Variants in FKBP8 observed in about 807,000 individuals in gnomAD.
FKBP8 encodes the protein peptidyl-prolyl cis-trans isomerase FKBP8.
A neutral mutation model predicts 41.7 loss-of-function variants in FKBP8; 5 were observed. The observed-to-expected ratio is 0.12, with a 90% confidence interval of 0.06 to 0.25. The LOEUF (loss-of-function observed/expected upper bound fraction) is 0.25. Among genes scored for constraint, FKBP8 ranks in the 10% least tolerant of loss-of-function variants. FKBP8 has a pLI of 1.00. For missense variants in FKBP8, 397 were observed against 563.0 expected, an observed-to-expected ratio of 0.71 and a Z score of 2.98; for synonymous variants, 279 against 254.5, an observed-to-expected ratio of 1.10 and a Z score of -0.92.
intron 1 of FKBP8, 199 bp from the exon 2 acceptor site, chr19:18,542,194 C>A: frequency 1.5e-6 from 1 of 662,712 alleles, no homozygotes; most frequent in Non-Finnish European, 2.4e-6. Context: ...CCCTTGGCAT[C>A]AGGCTCAAAT....
rs1249967430 is a variant in FKBP8 at position 18,538,369 on chromosome 19, C to T, written c.619G>A (p.Gly207Arg). The T allele has an allele frequency of 1.2e-6, 2 of 1,613,628 alleles. No homozygotes were observed. The highest frequency in any genetic ancestry group is 1.7e-6 in the Non-Finnish European group (2 of 1,179,988). The change falls in exon 5 of 9, where the codon GGG becomes AGG. Residue 207 changes from glycine to arginine, a missense_variant. This residue lies in a region of FKBP8 where 225 missense variants were observed against 366.8 expected (regional missense o/e 0.61). Transcript: ENST00000608443. The surrounding 1 kb of genome is among the most constrained non-coding windows in gnomAD (Gnocchi z 4.0). ...LEVTLKTAVD[G>R]PDLEMLTGQE... ...CCCGTGAGCATCTCCAGGTCAGGCC[C>T]GTCCACAGCCGTCTTCAGGGTCACC...
chr19:18,539,350 C>G, intron 4 of FKBP8, 21 bp downstream of exon 4: 1 of 1,605,380 alleles, frequency 6.2e-7, no homozygotes, highest in Non-Finnish European at 8.5e-7. Flanking sequence ...CTGCAGAGAC[C>G]TAAGGGTGGC....
Position 18,532,206 on chromosome 19 carries a change from C to T in FKBP8, c.1205G>A (p.Gly402Asp), listed in dbSNP as rs1412336554. The T allele has an allele frequency of 6.2e-7, 1 of 1,609,498 alleles. No individual in the cohort carries two copies. The highest frequency in any genetic ancestry group is 1.3e-5 in the African/African-American group (1 of 74,936). ...LFGATAVALGGVALSVVIAAR... is the reference protein window; with the variant it reads ...LFGATAVALGDVALSVVIAAR... ...AGCGATGACCACAGAGAGTGCCACACCCCCCAAGGCAACAGCAGTCGCCCC... is the reference window on the plus strand; with the variant it reads ...AGCGATGACCACAGAGAGTGCCACATCCCCCAAGGCAACAGCAGTCGCCCC... Residue 402 changes from glycine (G) to aspartate (D), a missense_variant, in exon 9 of 9, where the codon GGT becomes GAT. Transcript: ENST00000608443.
Position 18,532,272 on chromosome 19 carries a change from G to T in FKBP8, c.1156-17C>A. Reference sequence around the variant, plus strand: ...TGGGATGGACTGTGGATAAAAAGGAGGGGAGAGAAGGGTGGAGGGAGGTCA... The same window carrying T: ...TGGGATGGACTGTGGATAAAAAGGATGGGAGAGAAGGGTGGAGGGAGGTCA... On this transcript the variant is annotated splice_polypyrimidine_tract_variant and intron_variant, in intron 8 of 8. Coordinates refer to ENST00000608443, the MANE Select transcript of FKBP8 (RefSeq NM_012181.5). The T allele has an allele frequency of 6.3e-7, 1 of 1,587,806 alleles. No homozygotes were observed. The highest frequency in any genetic ancestry group is 1.1e-5 in the South Asian group (1 of 87,038).
Position 18,537,788 on chromosome 19 carries a change from T to G in FKBP8, c.773-15A>C. 6.3e-7 allele frequency: 1 copy of G among 1,593,062 alleles called. No homozygotes were observed. The highest frequency in any genetic ancestry group is 8.6e-7 in the Non-Finnish European group (1 of 1,165,554). On this transcript the variant is annotated splice_polypyrimidine_tract_variant and intron_variant, in intron 5 of 8. Coordinates refer to ENST00000608443, the MANE Select transcript of FKBP8 (RefSeq NM_012181.5). The surrounding 1 kb of genome is among the most constrained non-coding windows in gnomAD (Gnocchi z 4.4). ...CGTCATGTCCACTATTGGGAGACAG[T>G]GCCCGCCACGGCAGCCGTCACCATG...
Position 18,537,663 on chromosome 19 carries a change from A to T in FKBP8, c.883T>A (p.Ser295Thr). 6.2e-7 allele frequency: 1 copy of T among 1,613,178 alleles called. No homozygotes were observed. The highest frequency in any genetic ancestry group is 8.5e-7 in the Non-Finnish European group (1 of 1,179,540). Residue 295 changes from serine (S) to threonine (T), a missense_variant, in exon 6 of 9, where the codon TCC becomes ACC. By Grantham distance (58) the Ser-to-Thr change is moderately conservative. Around this residue, in one of 2 missense-constraint regions of FKBP8, gnomAD observed 225 missense variants for 366.8 expected, o/e 0.61. Transcript: ENST00000608443. The surrounding 1 kb of genome is among the most constrained non-coding windows in gnomAD (Gnocchi z 4.4). Reference protein sequence around the residue: ...KLDHYRAALRSCSLVLEHQPD... With the variant: ...KLDHYRAALRTCSLVLEHQPD... ...TGGTGCTCCAGCACAAGGCTGCAGGAGCGCAGGGCTGCGCGGTAGTGGTCG... is the reference window on the plus strand; with the variant it reads ...TGGTGCTCCAGCACAAGGCTGCAGGTGCGCAGGGCTGCGCGGTAGTGGTCG...
intron 6 of FKBP8, 47 bp from the exon 7 acceptor site, chr19:18,533,394 T>G (rs1162723360): frequency 1.3e-6 from 2 of 1,498,162 alleles, no homozygotes; most frequent in Non-Finnish European, 9.1e-7. Context: ...TACCTGGGCC[T>G]GTCCTTCAAG....
intron 2 of FKBP8, 83 bp from the exon 3 acceptor site, chr19:18,539,803 A>G: frequency 6.7e-7 from 1 of 1,499,804 alleles, no homozygotes; most frequent in South Asian, 1.2e-5. Context: ...TCCTACCCTC[A>G]GCTCTGCCCA....
Position 18,537,982 on chromosome 19 carries a change from G to T in FKBP8, c.773-209C>A. ...CCTAGCCTGTGGTACATGTGAACTGGCCCTGTCTATGGTCACCCCATCCCC... is the reference window on the plus strand; with the variant it reads ...CCTAGCCTGTGGTACATGTGAACTGTCCCTGTCTATGGTCACCCCATCCCC... On this transcript the variant is annotated intron_variant, in intron 5 of 8. Coordinates refer to ENST00000608443, the MANE Select transcript of FKBP8 (RefSeq NM_012181.5). This position sits in a 1 kb window ranked among gnomAD's most constrained non-coding sequence, Gnocchi z 4.4. 3.0e-6 allele frequency: 2 copies of T among 669,942 alleles called. No homozygotes were observed. Among genetic ancestry groups the T allele is most frequent in the East Asian group, 2.8e-5 (1 of 36,340 alleles). The allele number at this position is 669,942 out of a possible 1,614,324, so 41.5% of individuals were successfully genotyped here.
chr19:18,532,621 G>C (rs142198861), intron 8 of FKBP8, 43 bp downstream of exon 8: 5 of 1,604,638 alleles, frequency 3.1e-6, no homozygotes, highest in South Asian at 1.1e-5. Flanking sequence ...TCTGCTAGGC[G>C]TGCCCTGCAC....
Position 18,542,078 on chromosome 19 carries a change from A to G in FKBP8, c.-25-83T>C, listed in dbSNP as rs1171485748. The G allele has an allele frequency of 1.7e-5, 26 of 1,490,778 alleles. 1 individual carries two copies. In the Admixed American group the frequency reaches 5.4e-4, roughly 31 times the overall value. The allele number at this position is 1,490,778 out of a possible 1,614,324, so 92.3% of individuals were successfully genotyped here. A position where few individuals can be genotyped will look rare whatever the true frequency, so the allele number is the denominator to read the frequency against. ...ACTGTACTGATTCCCCACACTGCCG[A>G]TCACTTTCTGTGTAACTCAAGGGCT... On this transcript the variant is annotated intron_variant, in intron 1 of 8. Coordinates refer to ENST00000608443, the MANE Select transcript of FKBP8 (RefSeq NM_012181.5).
intron 8 of FKBP8, 108 bp from the exon 9 acceptor site, chr19:18,532,363 G>A: frequency 8.8e-7 from 1 of 1,137,518 alleles, no homozygotes; most frequent in Non-Finnish European, 1.3e-6. Flanking sequence ...ATCATTGCCT[G>A]ACTATGTATT....
chr19:18,536,309 T>C (rs1414033444), intron 6 of FKBP8: 1 of 152,236 alleles, frequency 6.6e-6, no homozygotes, highest in East Asian at 1.9e-4. Flanking sequence ...GAAGGTCAAG[T>C]CTGTGCAAGC....
intron 8 of FKBP8, 44 bp downstream of exon 8, chr19:18,532,620 C>T (rs773613120): frequency 2.7e-5 from 43 of 1,603,640 alleles, no homozygotes; most frequent in Non-Finnish European, 3.3e-5. Context: ...CTCTGCTAGG[C>T]GTGCCCTGCA....
At chr19:18,540,645 G>A (rs1976676845) in intron 2 of FKBP8, among the ~76,000 whole-genome samples, 1 of 152,114 alleles carries the variant, frequency 6.6e-6, no homozygotes, top group Non-Finnish European at 1.5e-5. Flanking sequence ...GCCAAGGCAG[G>A]TGGATCACCT....
At chr19:18,534,306 C>G (rs1239429324) in intron 6 of FKBP8, among the ~76,000 whole-genome samples, 1 of 152,024 alleles carries the variant, frequency 6.6e-6, no homozygotes, top group Non-Finnish European at 1.5e-5. Flanking sequence ...GACTCCGTCT[C>G]AAAAACAAAC....
At chr19:18,532,571 C>T (rs1976473070) in intron 8 of FKBP8, 93 bp downstream of exon 8, 2 of 1,540,898 alleles carry the variant, frequency 1.3e-6, no homozygotes, top group Non-Finnish European at 1.8e-6. Context: ...CCAGGACGGC[C>T]CAGTCTCCGA....
chr19:18,539,301 C>T (rs150345520), intron 4 of FKBP8, 70 bp downstream of exon 4: 13 of 1,362,030 alleles, frequency 9.5e-6, no homozygotes, highest in Admixed American at 2.0e-5. Context: ...TGGGGTGAGC[C>T]GAGGGGTACA....
Position 18,531,978 on chromosome 19 carries a change from T to C in FKBP8, c.*191A>G. 1.7e-6 allele frequency: 1 copy of C among 598,206 alleles called. No homozygotes were observed. Among genetic ancestry groups the C allele is most frequent in the Non-Finnish European group, 3.0e-6 (1 of 330,294 alleles). 37.1% of individuals were successfully genotyped at this position (598,206 alleles called of 1,614,324 possible). A position where few individuals can be genotyped will look rare whatever the true frequency, so the allele number is the denominator to read the frequency against. On this transcript the variant is annotated 3_prime_UTR_variant, in exon 9 of 9. Coordinates refer to ENST00000608443, the MANE Select transcript of FKBP8 (RefSeq NM_012181.5). Reference sequence around the variant, plus strand: ...TGGGTCTGAAGGAATGAGGGCCCCCTCCCTCTGGGCTTTCCTCCTAGAGGG... The same window carrying C: ...TGGGTCTGAAGGAATGAGGGCCCCCCCCCTCTGGGCTTTCCTCCTAGAGGG...
Sources: allele counts gnomAD v4.1 joint callset (sites outside exome capture counted in the v4.1 genomes callset), GRCh38; gene constraint gnomAD v4.1.1; regional missense constraint gnomAD v4.1.1; non-coding constraint Gnocchi (gnomAD v3.1); transcripts MANE v1.5; gene names NCBI Gene and HGNC (gene_info 2026-07-23, HGNC 2026-07-21).